Variants in CCDC85A observed in about 807,000 individuals in gnomAD.
The protein encoded by CCDC85A is coiled-coil domain-containing protein 85A.
A neutral mutation model predicts 50.2 loss-of-function variants in CCDC85A; 38 were observed. The observed-to-expected ratio is 0.76, with a 90% CI of 0.58 to 0.99. The LOEUF (loss-of-function observed/expected upper bound fraction) is 0.99, where lower values mean the gene tolerates loss of function less well. Among genes scored for constraint, CCDC85A ranks in the 50% least tolerant of loss-of-function variants. The probability of loss-of-function intolerance (pLI) is 0.00; values close to 1 mark genes in which losing one functional copy is unlikely to be tolerated. For synonymous variants in CCDC85A, 366 were observed against 301.4 expected, an observed-to-expected ratio of 1.21 and a Z score of -2.22; for missense variants, 820 against 742.0, an observed-to-expected ratio of 1.11 and a Z score of -1.22.
Position 56,184,521 on chromosome 2 carries a change from C to G in CCDC85A, c.-104C>G. The stretch of plus-strand genomic sequence containing the variant: ...GCCCCTGGGCGGTGCCGCTGACTCG[C>G]CGGAGCGCACAGGGGTGTGGGCGGA... On this transcript the variant is annotated 5_prime_UTR_variant, in exon 1 of 6. Transcript: ENST00000407595. 1 of 1,224,326 alleles carries G rather than the reference C, an allele frequency of 8.2e-7. No individual in the cohort carries two copies. Among genetic ancestry groups the G allele is most frequent in the East Asian group, 3.3e-5 (1 of 30,746 alleles). The allele number at this position is 1,224,326 out of a possible 1,614,324, so 75.8% of individuals were successfully genotyped here. A position where few individuals can be genotyped will look rare whatever the true frequency, so the allele number is the denominator to read the frequency against.
chr2:56,383,698 T>C (rs2104411867), intron 5 of CCDC85A: 1 of 984,922 alleles, frequency 1.0e-6, no homozygotes, highest in East Asian at 1.1e-4. Flanking sequence ...CCAGAGAAAT[T>C]TACTAGTGGC....
At chr2:56,236,025 A>G (rs1668999088) in intron 2 of CCDC85A, among the ~76,000 whole-genome samples, 1 of 152,234 alleles carries the variant, frequency 6.6e-6, no homozygotes, top group Non-Finnish European at 1.5e-5. Context: ...AATAAAAAAG[A>G]GTGAGATGTT....
At chr2:56,371,552 A>G (rs1676072985) in intron 3 of CCDC85A, among the ~76,000 whole-genome samples, 1 of 152,128 alleles carries the variant, frequency 6.6e-6, no homozygotes, top group Admixed American at 6.5e-5. Context: ...GGGACATTAT[A>G]TTCTTAGTTA....
chr2:56,337,895 C>T (rs1674156016), intron 2 of CCDC85A, among the ~76,000 whole-genome samples: 5 of 151,964 alleles, frequency 3.3e-5, no homozygotes, highest in African/African-American at 1.2e-4. Flanking sequence ...AGCGATTCTC[C>T]TGCCTCAGCC....
At chr2:56,268,039 A>C (rs1311282796) in intron 2 of CCDC85A, among the ~76,000 whole-genome samples, 1 of 152,240 alleles carries the variant, frequency 6.6e-6, no homozygotes, top group Non-Finnish European at 1.5e-5. Flanking sequence ...AGCTTTATAC[A>C]TAAATGAAAG....
chr2:56,341,206 T>G lies in CCDC85A; in HGVS notation c.1241-1673T>G, dbSNP rs144418891. On this transcript the variant is annotated intron_variant, in intron 2 of 5. Coordinates refer to ENST00000407595, the MANE Select transcript of CCDC85A (RefSeq NM_001080433.2). The stretch of plus-strand genomic sequence containing the variant: ...TTCCAGAGGAAGATCATATACCAAT[T>G]AAACTGCTATTTTTCCTCTTAGTAC... 7.6e-3 allele frequency among the ~76,000 whole-genome samples: 1,157 copies of G among 152,292 alleles called. 9 individuals carry two copies. The highest frequency in any genetic ancestry group is 0.011 in the Non-Finnish European group (778 of 68,022).
chr2:56,216,214 G>A (rs1677388074), intron 2 of CCDC85A, among the ~76,000 whole-genome samples: 1 of 151,798 alleles, frequency 6.6e-6, no homozygotes, highest in Non-Finnish European at 1.5e-5. Context: ...GCATACTTGT[G>A]CATCTAAGCA....
intron 2 of CCDC85A, among the ~76,000 whole-genome samples, chr2:56,220,250 C>G (rs187003180): frequency 6.7e-6 from 1 of 149,226 alleles, no homozygotes; most frequent in African/African-American, 2.4e-5. Context: ...TCTACTTAAT[C>G]TTAAACTCCT....
At chr2:56,265,927 T>C (rs142283507) in intron 2 of CCDC85A, among the ~76,000 whole-genome samples, 4 of 152,214 alleles carry the variant, frequency 2.6e-5, no homozygotes, top group African/African-American at 9.6e-5. Flanking sequence ...ATTTTAAAAA[T>C]GTAGAATATA....
chr2:56,196,430 T>C (rs1046181548), intron 2 of CCDC85A, among the ~76,000 whole-genome samples: 22 of 152,238 alleles, frequency 1.4e-4, no homozygotes, highest in Non-Finnish European at 1.9e-4. Flanking sequence ...ATAACCATTG[T>C]CATTTATAAA....
At chr2:56,285,820 G>A (rs1671418640) in intron 2 of CCDC85A, among the ~76,000 whole-genome samples, 1 of 151,938 alleles carries the variant, frequency 6.6e-6, no homozygotes, top group Non-Finnish European at 1.5e-5. Context: ...TATTTCCAGT[G>A]TTGTTCTTTG....
At chr2:56,283,889 C>T (rs1671313282) in intron 2 of CCDC85A, among the ~76,000 whole-genome samples, 1 of 151,986 alleles carries the variant, frequency 6.6e-6, no homozygotes, top group Non-Finnish European at 1.5e-5. Flanking sequence ...ATTTGTATTA[C>T]CTATATCATT....
At chr2:56,354,743 T>A (rs7573049) in intron 3 of CCDC85A, among the ~76,000 whole-genome samples, 43,292 of 152,140 alleles carry the variant, frequency 0.28, 7,909 homozygotes, top group African/African-American at 0.51. Flanking sequence ...TTAAATAAAT[T>A]ATAGGTGTTA....
intron 3 of CCDC85A, among the ~76,000 whole-genome samples, chr2:56,345,134 T>G (rs1254229405): frequency 6.6e-6 from 1 of 152,192 alleles, no homozygotes; most frequent in African/African-American, 2.4e-5. Flanking sequence ...AGTGTTCAGT[T>G]ATATCCTTTG....
At chr2:56,319,689 G>T (rs747799190) in intron 2 of CCDC85A, among the ~76,000 whole-genome samples, 1 of 151,988 alleles carries the variant, frequency 6.6e-6, no homozygotes, top group Non-Finnish European at 1.5e-5. Flanking sequence ...TCTCAAGAGA[G>T]ACCTCTGATT....
intron 3 of CCDC85A, among the ~76,000 whole-genome samples, chr2:56,353,740 A>G (rs912268763): frequency 6.6e-6 from 1 of 152,244 alleles, no homozygotes; most frequent in Non-Finnish European, 1.5e-5. Flanking sequence ...GATGAAGATC[A>G]CTAAGCTGTC....
chr2:56,205,836 A>G (rs4140787), intron 2 of CCDC85A, among the ~76,000 whole-genome samples: 34,987 of 152,044 alleles, frequency 0.23, 4,349 homozygotes, highest in Admixed American at 0.32. Context: ...CCATGGAAGG[A>G]GGTAAGTAAC....
intron 3 of CCDC85A, among the ~76,000 whole-genome samples, chr2:56,366,318 T>G (rs1404553159): frequency 6.6e-6 from 1 of 152,176 alleles, no homozygotes; most frequent in Non-Finnish European, 1.5e-5. Flanking sequence ...TGTAATTTTT[T>G]GAAGGAACTT....
At chr2:56,219,585 A>G (rs959150550) in intron 2 of CCDC85A, among the ~76,000 whole-genome samples, 3 of 151,700 alleles carry the variant, frequency 2.0e-5, no homozygotes, top group African/African-American at 4.8e-5. Context: ...TCCTCTGTCT[A>G]GAATGCCCTC....
Sources: gnomAD v4.1 joint callset for allele counts (sites outside exome capture counted in the v4.1 genomes callset) on GRCh38, gnomAD v4.1.1 for gene constraint, MANE v1.5 for transcripts, NCBI Gene and HGNC (gene_info 2026-07-23, HGNC 2026-07-21) for gene names.